CD226: variants seen among roughly 807,000 people sequenced by gnomAD.
CD226 encodes CD226 antigen.
CD226 carries 24 observed loss-of-function variants against 34.9 expected under a neutral mutation model. That is an observed-to-expected ratio of 0.69 (90% CI 0.50 to 0.97). The LOEUF (loss-of-function observed/expected upper bound fraction) is 0.97, where lower values mean the gene tolerates loss of function less well. CD226 is among the 50% of genes least tolerant of loss of function. The pLI is 0.00. For synonymous variants in CD226, 148 were observed against 147.4 expected (o/e 1.00, Z -0.03); for missense variants, 397 against 412.7 (o/e 0.96, Z 0.33).
intron 4 of CD226, among the ~76,000 whole-genome samples, chr18:69,869,238 G>T (rs117895857): frequency 0.037 from 5,568 of 152,296 alleles, 125 homozygotes; most frequent in South Asian, 0.051. Context: ...TGATAGCAAA[G>T]ACATGGAATC....
At chr18:69,905,452 G>T (rs747855587) in intron 2 of CD226, among the ~76,000 whole-genome samples, 12 of 152,120 alleles carry the variant, frequency 7.9e-5, no homozygotes, top group Non-Finnish European at 1.5e-4. Flanking sequence ...CAATAGACTT[G>T]CTGTGGCAAA....
rs903086242 is a variant in CD226 at position 69,920,002 on chromosome 18, A to G, written c.383-23957T>C. On this transcript the variant is annotated intron_variant, in intron 2 of 5. Coordinates refer to ENST00000582621, the MANE Select transcript of CD226 (RefSeq NM_001303618.2). Reference sequence around the variant, plus strand: ...CCTCAGCCTCCTAAGTAGCTGGGACAACAGACATGTGCCACCACACTCAGC... The same window carrying G: ...CCTCAGCCTCCTAAGTAGCTGGGACGACAGACATGTGCCACCACACTCAGC... Among the ~76,000 whole-genome samples the G allele has an allele frequency of 3.9e-5, 6 of 152,034 alleles. No homozygotes were observed. The South Asian group carries it at 1.0e-3, about 26-fold the overall frequency.
intron 1 of CD226, among the ~76,000 whole-genome samples, chr18:69,954,406 A>G (rs1391250541): frequency 3.3e-5 from 5 of 152,226 alleles, no homozygotes; most frequent in Admixed American, 6.5e-5. Context: ...ACAAATGCCA[A>G]AACATATCTA....
intron 3 of CD226, among the ~76,000 whole-genome samples, chr18:69,874,877 G>C (rs1983764952): frequency 6.6e-6 from 1 of 151,972 alleles, no homozygotes. Flanking sequence ...ATGTCCTCAA[G>C]GTTTATCCAC....
intron 2 of CD226, among the ~76,000 whole-genome samples, chr18:69,904,313 A>ATCATACTGTCT (rs2055224244): frequency 6.6e-6 from 1 of 152,198 alleles, no homozygotes; most frequent in South Asian, 2.1e-4. Flanking sequence ...AGTATGTCCA[A>ATCATACTGTCT]AGAGCGATTC....
At chr18:69,930,840 A>G (rs2055580624) in intron 2 of CD226, among the ~76,000 whole-genome samples, 1 of 151,838 alleles carries the variant, frequency 6.6e-6, no homozygotes, top group African/African-American at 2.4e-5. Flanking sequence ...CCAGGTTTCG[A>G]CTCCTCTGAG....
chr18:69,961,311 C>T (rs1165886451), upstream of CD226, among the ~76,000 whole-genome samples: 1 of 152,094 alleles, frequency 6.6e-6, no homozygotes, highest in East Asian at 1.9e-4. Context: ...TATGGCAAGA[C>T]CCAATTTTGA....
At chr18:69,942,345 C>A (rs529507700) in intron 2 of CD226, among the ~76,000 whole-genome samples, 1 of 152,332 alleles carries the variant, frequency 6.6e-6, no homozygotes, top group South Asian at 2.1e-4. Context: ...TTCCAATCTA[C>A]AGATGCCTAT....
intron 3 of CD226, among the ~76,000 whole-genome samples, chr18:69,894,965 T>C (rs1412416937): frequency 6.6e-6 from 1 of 152,074 alleles, no homozygotes; most frequent in Non-Finnish European, 1.5e-5. Flanking sequence ...ACAAATAGTG[T>C]GGTGCCTTGG....
chr18:69,948,255 C>T (rs907982170), upstream of CD226, among the ~76,000 whole-genome samples: 1 of 152,120 alleles, frequency 6.6e-6, no homozygotes, highest in Non-Finnish European at 1.5e-5. Context: ...TTATAAAATA[C>T]AAGTTCCAAT....
At chr18:69,902,202 G>A (rs577957796) in intron 2 of CD226, among the ~76,000 whole-genome samples, 1 of 152,100 alleles carries the variant, frequency 6.6e-6, no homozygotes, top group Non-Finnish European at 1.5e-5. Flanking sequence ...TAAGTGGACT[G>A]TTCTCTCTCT....
At chr18:69,954,820 G>A (rs776135492) in intron 1 of CD226, among the ~76,000 whole-genome samples, 7 of 152,144 alleles carry the variant, frequency 4.6e-5, no homozygotes, top group Non-Finnish European at 8.8e-5. Context: ...AAGTCCAGCT[G>A]TTACGACTTT....
At chr18:69,926,368 T>C (rs541800618) in intron 2 of CD226, among the ~76,000 whole-genome samples, 27 of 152,206 alleles carry the variant, frequency 1.8e-4, no homozygotes, top group African/African-American at 6.3e-4. Context: ...TCTTTAGTTG[T>C]CAGATGTGTT....
intron 2 of CD226, among the ~76,000 whole-genome samples, chr18:69,900,780 T>C (rs2055172200): frequency 6.6e-6 from 1 of 152,104 alleles, no homozygotes; most frequent in Non-Finnish European, 1.5e-5. Flanking sequence ...AAAACTGTAT[T>C]TCTGACTTTA....
At position 69,864,391 on chromosome 18, in the gene CD226, G is replaced by T. The variant is rs1983004640; in HGVS notation, c.934C>A (p.Gln312Lys). The part of the protein sequence containing the change: ...SPISTSQPTN[Q>K]SMDDTREDIY... ...TCCTCTCTTGTATCATCCATGGATTGATTGGTAGGTTGACTGGTAGAGATG... is the reference window on the plus strand; with the variant it reads ...TCCTCTCTTGTATCATCCATGGATTTATTGGTAGGTTGACTGGTAGAGATG... Residue 312 changes from glutamine to lysine, a missense_variant, in exon 6 of 6, where the codon CAA (glutamine) becomes AAA (lysine). Coordinates refer to ENST00000582621, the MANE Select transcript of CD226 (RefSeq NM_001303618.2). 1.2e-6 allele frequency: 2 copies of T among 1,613,014 alleles called. No individual in the cohort carries two copies. The highest frequency in any genetic ancestry group is 2.7e-5 in the African/African-American group (2 of 74,892).
chr18:69,867,509 C>G (rs1983224650), intron 4 of CD226, 98 bp from the exon 5 acceptor site: 4 of 752,440 alleles, frequency 5.3e-6, no homozygotes, highest in South Asian at 1.7e-5. Context: ...AGCCCACATG[C>G]ACCTTCTAAT....
intron 2 of CD226, among the ~76,000 whole-genome samples, chr18:69,943,990 T>TA (rs1459309201): frequency 6.7e-6 from 1 of 148,296 alleles, no homozygotes; most frequent in African/African-American, 2.5e-5. Flanking sequence ...TTTTTTTTTT[T>TA]ACTATTTAAT....
chr18:69,919,206 C>A (rs1240790021), intron 2 of CD226, among the ~76,000 whole-genome samples: 1 of 152,194 alleles, frequency 6.6e-6, no homozygotes, highest in Admixed American at 6.5e-5. Context: ...AGCTAATTTG[C>A]CACTTCGTTT....
At chr18:69,931,299 G>A (rs1373589190) in intron 2 of CD226, among the ~76,000 whole-genome samples, 1 of 151,734 alleles carries the variant, frequency 6.6e-6, no homozygotes, top group East Asian at 1.9e-4. Flanking sequence ...AAGTTAATGG[G>A]TGCAGCACAC....
Sources: gnomAD v4.1 joint callset for allele counts (sites outside exome capture counted in the v4.1 genomes callset) on GRCh38, gnomAD v4.1.1 for gene constraint, MANE v1.5 for transcripts, NCBI Gene and HGNC (gene_info 2026-07-23, HGNC 2026-07-21) for gene names.